Variants in ELP4 observed in about 807,000 individuals in gnomAD.
The protein encoded by ELP4 is elongator complex protein 4.
In ELP4, 51 loss-of-function variants were observed where a neutral mutation model predicts 48.9. The observed-to-expected ratio is 1.04, with a 90% CI of 0.83 to 1.32. ELP4 has a LOEUF of 1.32. Ranked by LOEUF, ELP4 falls within the 40% of genes most tolerant of loss-of-function variation. The probability of loss-of-function intolerance (pLI) is 0.00; values close to 1 mark genes in which losing one functional copy is unlikely to be tolerated. For missense variants in ELP4, 519 were observed against 514.6 expected (o/e 1.01, Z -0.08); for synonymous variants, 210 against 189.2 (o/e 1.11, Z -0.90).
chr11:31,587,285 A>T (rs918856803), intron 3 of ELP4, among the ~76,000 whole-genome samples: 11 of 152,174 alleles, frequency 7.2e-5, no homozygotes, highest in African/African-American at 2.7e-4. Flanking sequence ...AACAACCTAA[A>T]CTAAGTAACT....
chr11:31,732,514 G>A (rs1286126097), intron 9 of ELP4, among the ~76,000 whole-genome samples: 5 of 150,470 alleles, frequency 3.3e-5, no homozygotes, highest in Non-Finnish European at 7.4e-5. Context: ...AACTGCAAGA[G>A]AGGATAAGAC....
rs1948510595 is a variant in ELP4, at chr11:31,785,113, C to CT, written c.*1593dup. 1 of 182,156 alleles carries CT rather than the reference C, an allele frequency of 5.5e-6. No individual in the cohort carries two copies. The highest frequency in any genetic ancestry group is 2.4e-5 in the African/African-American group (1 of 42,470). The allele number at this position is 182,156 out of a possible 1,614,324, so 11.3% of individuals were successfully genotyped here. A position where few individuals can be genotyped will look rare whatever the true frequency, so the allele number is the denominator to read the frequency against. On this transcript the variant is annotated 3_prime_UTR_variant, in exon 10 of 10. Coordinates refer to ENST00000640961, the MANE Select transcript of ELP4 (RefSeq NM_019040.5). ...AAGGGCTTTATATTAAGCAAAGGTG[C>CT]TTTTAAATTTTAAAGCAACTTCAAA...
At chr11:31,531,403 T>C (rs1175670848) in intron 2 of ELP4, among the ~76,000 whole-genome samples, 1 of 152,178 alleles carries the variant, frequency 6.6e-6, no homozygotes, top group African/African-American at 2.4e-5. Flanking sequence ...CATGGAGGAA[T>C]TTCAGGAATG....
chr11:31,628,889 T>A (rs772557825), intron 6 of ELP4, among the ~76,000 whole-genome samples: 16 of 152,102 alleles, frequency 1.1e-4, no homozygotes, highest in Non-Finnish European at 2.2e-4. Flanking sequence ...AATACGCCTA[T>A]AAGGCACTAC....
intron 5 of ELP4, among the ~76,000 whole-genome samples, chr11:31,621,658 G>T (rs1944623905): frequency 6.6e-6 from 1 of 151,860 alleles, no homozygotes; most frequent in African/African-American, 2.4e-5. Context: ...ACAGTATTGA[G>T]TTTTCTTTAT....
chr11:31,591,303 G>A (rs1957565723), intron 3 of ELP4, among the ~76,000 whole-genome samples: 1 of 151,144 alleles, frequency 6.6e-6, no homozygotes, highest in African/African-American at 2.4e-5. Context: ...CTACTCAGGA[G>A]GCTGAGGCAA....
chr11:31,619,044 G>T (rs575303248), intron 5 of ELP4, among the ~76,000 whole-genome samples: 1 of 152,170 alleles, frequency 6.6e-6, no homozygotes, highest in South Asian at 2.1e-4. Flanking sequence ...AGGATTGGAG[G>T]CACTGAATTT....
chr11:31,603,380 T>G (rs950127977), intron 4 of ELP4, among the ~76,000 whole-genome samples: 1 of 151,850 alleles, frequency 6.6e-6, no homozygotes, highest in Non-Finnish European at 1.5e-5. Context: ...AAGTTTTCAG[T>G]TAGTTCTTGG....
At chr11:31,738,740 C>CA (rs764596251) in intron 9 of ELP4, among the ~76,000 whole-genome samples, 5,308 of 135,982 alleles carry the variant, frequency 0.039, 105 homozygotes, top group Non-Finnish European at 0.057. Flanking sequence ...GACCTTGTCT[C>CA]AAAAAAAAAA....
At chr11:31,770,679 G>T (rs920268278) in intron 9 of ELP4, among the ~76,000 whole-genome samples, 7 of 151,984 alleles carry the variant, frequency 4.6e-5, no homozygotes, top group African/African-American at 1.7e-4. Flanking sequence ...ACTTTGGGAG[G>T]CCAAGGCAAG....
In ELP4 at chr11:31,783,545, C is replaced by T; in HGVS notation, c.*21C>T. 6.2e-7 allele frequency: 1 copy of T among 1,609,578 alleles called. No individual in the cohort carries two copies. The highest frequency in any genetic ancestry group is 8.5e-7 in the Non-Finnish European group (1 of 1,177,570). On this transcript the variant is annotated 3_prime_UTR_variant, in exon 10 of 10. Transcript: ENST00000640961. ...TCTAGGGATTCCTCCTTAGTCGCTG[C>T]ATGCAGAATTCTATGACACTCTAAT...
chr11:31,732,505 A>C (rs989177929), intron 9 of ELP4, among the ~76,000 whole-genome samples: 4 of 152,096 alleles, frequency 2.6e-5, no homozygotes, highest in Admixed American at 2.0e-4. Flanking sequence ...AGAAAGGAAA[A>C]CTGCAAGAGA....
intron 3 of ELP4, among the ~76,000 whole-genome samples, chr11:31,549,740 A>G (rs1007603180): frequency 3.3e-5 from 5 of 152,252 alleles, no homozygotes; most frequent in African/African-American, 1.2e-4. Context: ...ACCTACCCAA[A>G]TGTCCAACAA....
At chr11:31,741,990 AG>A (rs1386644216) in intron 9 of ELP4, among the ~76,000 whole-genome samples, 2 of 152,186 alleles carry the variant, frequency 1.3e-5, no homozygotes, top group African/African-American at 4.8e-5. Flanking sequence ...AGAAGTTAAA[AG>A]CTTTGAAAAA....
intron 9 of ELP4, among the ~76,000 whole-genome samples, chr11:31,678,506 TGTGTGTGTGTG>T: frequency 9.2e-6 from 1 of 108,924 alleles, no homozygotes; most frequent in African/African-American, 4.0e-5. Context: ...TGTGTGTGTG[TGTGTGTGTGTG>T]TGTGTGTGTG....
chr11:31,787,440 T>G lies in ELP4; in HGVS notation c.*3916T>G, dbSNP rs1276714229. Reference sequence around the variant, plus strand: ...GAACCGTGGGCCGGAACTGGCTGCCTGACCGTGGTGGAAATTACAGCCAGC... The same window carrying G: ...GAACCGTGGGCCGGAACTGGCTGCCGGACCGTGGTGGAAATTACAGCCAGC... On this transcript the variant is annotated 3_prime_UTR_variant, in exon 10 of 10. Coordinates refer to ENST00000640961, the MANE Select transcript of ELP4 (RefSeq NM_019040.5). 4.3e-6 allele frequency: 1 copy of G among 233,130 alleles called. No individual in the cohort carries two copies. Among genetic ancestry groups the G allele is most frequent in the East Asian group, 6.0e-5 (1 of 16,600 alleles). 14.4% of individuals were successfully genotyped at this position (233,130 alleles called of 1,614,324 possible).
intron 9 of ELP4, among the ~76,000 whole-genome samples, chr11:31,659,841 A>G (rs1945516176): frequency 6.6e-6 from 1 of 151,992 alleles, no homozygotes; most frequent in Non-Finnish European, 1.5e-5. Context: ...AAAATGTAAA[A>G]ATTAGCTGGG....
intron 3 of ELP4, among the ~76,000 whole-genome samples, chr11:31,558,404 C>T (rs1956962012): frequency 6.6e-6 from 1 of 152,142 alleles, no homozygotes; most frequent in Non-Finnish European, 1.5e-5. Context: ...CTATCACTAG[C>T]TAGTGAGAAC....
At chr11:31,586,411 G>A (rs1235103317) in intron 3 of ELP4, among the ~76,000 whole-genome samples, 1 of 152,134 alleles carries the variant, frequency 6.6e-6, no homozygotes, top group Non-Finnish European at 1.5e-5. Flanking sequence ...ATGGATACAC[G>A]TATAGCCCAT....
Sources: allele counts gnomAD v4.1 joint callset (sites outside exome capture counted in the v4.1 genomes callset), GRCh38; gene constraint gnomAD v4.1.1; transcripts MANE v1.5; gene names NCBI Gene and HGNC (gene_info 2026-07-23, HGNC 2026-07-21).